The following ERC2 variants were observed in gnomAD, a reference collection of about 807,000 sequenced individuals.
ERC2 encodes ELKS/RAB6-interacting/CAST family member 2, also known as ERC protein 2.
Under a neutral mutation model 114.8 loss-of-function variants are expected in ERC2, and 42 were observed. That is an observed-to-expected ratio of 0.37 (90% confidence interval 0.29 to 0.47). The LOEUF is 0.47. Ranked by LOEUF, ERC2 falls within the 20% of genes least tolerant of loss-of-function variation. The probability of loss-of-function intolerance (pLI) is 0.99; values close to 1 mark genes in which losing one functional copy is unlikely to be tolerated. For missense variants in ERC2, 939 were observed against 1,150.7 expected, an observed-to-expected ratio of 0.82 and a Z score of 2.66; for synonymous variants, 454 against 425.5, an observed-to-expected ratio of 1.07 and a Z score of -0.82.
chr3:56,165,368 G>T (rs1210928430), intron 4 of ERC2, among the ~76,000 whole-genome samples: 1 of 151,778 alleles, frequency 6.6e-6, no homozygotes, highest in Non-Finnish European at 1.5e-5. Context: ...TGTGCACAGT[G>T]TACACGTTAG....
chr3:56,100,013 G>A (rs2078268576), intron 6 of ERC2, among the ~76,000 whole-genome samples: 1 of 152,230 alleles, frequency 6.6e-6, no homozygotes, highest in Non-Finnish European at 1.5e-5. Context: ...ACTGAGGGGA[G>A]GCAGAAGACA....
chr3:55,917,482 C>T (rs901457155), intron 13 of ERC2, among the ~76,000 whole-genome samples: 2 of 151,966 alleles, frequency 1.3e-5, no homozygotes, highest in African/African-American at 4.8e-5. Flanking sequence ...GAAAAAGAAG[C>T]CAGATACAAA....
Position 56,415,085 on chromosome 3 carries a change from T to G in ERC2, c.657+19266A>C, listed in dbSNP as rs1049944087. ...CATGAAGTCCTCCAGTTTTCAATCTTAACAACTAATTCCCCAGGTCACACA... is the reference window on the plus strand; with the variant it reads ...CATGAAGTCCTCCAGTTTTCAATCTGAACAACTAATTCCCCAGGTCACACA... On this transcript the variant is annotated intron_variant, in intron 2 of 17. Transcript: ENST00000288221. Among the ~76,000 whole-genome samples, 4 of 152,310 alleles carry G rather than the reference T, an allele frequency of 2.6e-5. No homozygotes were observed. In the South Asian group the frequency reaches 8.3e-4, roughly 32 times the overall value.
At chr3:56,438,021 T>G (rs1027070556) in intron 1 of ERC2, among the ~76,000 whole-genome samples, 2 of 152,226 alleles carry the variant, frequency 1.3e-5, no homozygotes, top group Non-Finnish European at 2.9e-5. Context: ...TTTCTTCTTT[T>G]TATTTGCATA....
chr3:55,894,042 G>A (rs1390470075), intron 13 of ERC2, among the ~76,000 whole-genome samples: 3 of 152,126 alleles, frequency 2.0e-5, no homozygotes, highest in East Asian at 1.9e-4. Context: ...TAACACAAGA[G>A]GCGGAGCAGC....
At chr3:55,713,162 A>AC (rs2063881089) in intron 15 of ERC2, among the ~76,000 whole-genome samples, 5 of 59,352 alleles carry the variant, frequency 8.4e-5, no homozygotes, top group African/African-American at 3.2e-4. Context: ...CACACACACA[A>AC]ACCCCAGAAT....
At chr3:55,929,653 T>A (rs1011228376) in intron 13 of ERC2, among the ~76,000 whole-genome samples, 6 of 152,230 alleles carry the variant, frequency 3.9e-5, no homozygotes, top group Admixed American at 3.9e-4. Context: ...AAATCACGTG[T>A]CTGACTGTAA....
chr3:55,760,718 G>A (rs565884186), intron 14 of ERC2, among the ~76,000 whole-genome samples: 2 of 152,300 alleles, frequency 1.3e-5, no homozygotes, highest in African/African-American at 4.8e-5. Context: ...CTGCATGGAG[G>A]TGGTTCAGTG....
At chr3:56,380,757 A>G (rs1263504030) in intron 2 of ERC2, among the ~76,000 whole-genome samples, 2 of 152,252 alleles carry the variant, frequency 1.3e-5, no homozygotes, top group Non-Finnish European at 2.9e-5. Context: ...GGTAAAGTTC[A>G]AATTGCTACA....
chr3:56,105,801 C>A (rs1320376372), intron 6 of ERC2, among the ~76,000 whole-genome samples: 3 of 152,144 alleles, frequency 2.0e-5, no homozygotes. Flanking sequence ...CAGGAAGAGC[C>A]AAGGAGATGT....
At chr3:56,158,236 G>C (rs2081846543) in intron 4 of ERC2, among the ~76,000 whole-genome samples, 2 of 152,176 alleles carry the variant, frequency 1.3e-5, no homozygotes, top group Non-Finnish European at 1.5e-5. Context: ...GTGGGGACAA[G>C]TGACTTGCCA....
intron 17 of ERC2, among the ~76,000 whole-genome samples, chr3:55,527,479 C>G (rs2053403565): frequency 6.6e-6 from 1 of 152,176 alleles, no homozygotes; most frequent in Non-Finnish European, 1.5e-5. Context: ...CCTCTTAAGA[C>G]TCCAGTTCAC....
chr3:56,208,506 T>A (rs1432997826), intron 3 of ERC2, among the ~76,000 whole-genome samples: 1 of 152,224 alleles, frequency 6.6e-6, no homozygotes, highest in Non-Finnish European at 1.5e-5. Context: ...CTTTGCCCTA[T>A]CTTATTAATT....
At chr3:56,257,106 T>A (rs6781843) in intron 3 of ERC2, among the ~76,000 whole-genome samples, 1 of 151,890 alleles carries the variant, frequency 6.6e-6, no homozygotes, top group Non-Finnish European at 1.5e-5. Flanking sequence ...TGAGATAATG[T>A]ATGTAAAACC....
chr3:56,151,577 T>C (rs2081412882), intron 4 of ERC2, among the ~76,000 whole-genome samples: 1 of 152,124 alleles, frequency 6.6e-6, no homozygotes, highest in African/African-American at 2.4e-5. Context: ...AATATAAGCA[T>C]GAAAATAAAA....
intron 13 of ERC2, among the ~76,000 whole-genome samples, chr3:55,949,521 T>A (rs1480321757): frequency 1.3e-5 from 2 of 151,998 alleles, no homozygotes; most frequent in African/African-American, 4.8e-5. Flanking sequence ...TAATATTGAC[T>A]AACTAGTCCT....
intron 4 of ERC2, among the ~76,000 whole-genome samples, chr3:56,167,327 G>A (rs540093077): frequency 1.3e-5 from 2 of 152,196 alleles, no homozygotes; most frequent in East Asian, 3.9e-4. Context: ...GTAAACACTG[G>A]TGTTTATTAT....
At chr3:56,333,424 G>T (rs1005735653) in intron 2 of ERC2, among the ~76,000 whole-genome samples, 9 of 152,198 alleles carry the variant, frequency 5.9e-5, no homozygotes, top group Admixed American at 5.2e-4. Flanking sequence ...GGACTATGAA[G>T]CAGGGAATAA....
At chr3:56,276,835 A>C (rs1242522791) in intron 3 of ERC2, among the ~76,000 whole-genome samples, 1 of 152,162 alleles carries the variant, frequency 6.6e-6, no homozygotes, top group Non-Finnish European at 1.5e-5. Context: ...TGAGCCTAAA[A>C]ACACACACAT....
Sources: gnomAD v4.1 joint callset for allele counts (sites outside exome capture counted in the v4.1 genomes callset) on GRCh38, gnomAD v4.1.1 for gene constraint, MANE v1.5 for transcripts, NCBI Gene and HGNC (gene_info 2026-07-23, HGNC 2026-07-21) for gene names.